SHPRH: variants seen among roughly 807,000 people sequenced by gnomAD.
SHPRH encodes the protein E3 ubiquitin-protein ligase SHPRH.
In SHPRH, 106 loss-of-function variants were observed where a neutral mutation model predicts 202.5. That is an observed-to-expected ratio of 0.52 (90% CI 0.45 to 0.62). The LOEUF is 0.62. Ranked by LOEUF, SHPRH falls within the 20% of genes least tolerant of loss-of-function variation. The probability of loss-of-function intolerance (pLI) is 0.00; values close to 1 mark genes in which losing one functional copy is unlikely to be tolerated. For missense variants in SHPRH, 1,710 were observed against 2,020.0 expected, an observed-to-expected ratio of 0.85 and a Z score of 2.94; for synonymous variants, 729 against 686.0, an observed-to-expected ratio of 1.06 and a Z score of -0.98.
At chr6:145,862,322 C>T (rs1295468876), downstream of SHPRH, among the ~76,000 whole-genome samples, 2 of 151,736 alleles carry the variant, frequency 1.3e-5, no homozygotes, top group South Asian at 2.1e-4. Context: ...GGCGCGGTGG[C>T]GGGTGCCTGT....
chr6:145,941,994 G>C, intron 9 of SHPRH, 120 bp from the exon 10 acceptor site: 5 of 1,192,592 alleles, frequency 4.2e-6, no homozygotes, highest in Non-Finnish European at 5.8e-6. Flanking sequence ...CATGCTATGA[G>C]ACAGATCCCA....
chr6:145,941,189 T>C (rs1240492400), intron 10 of SHPRH, among the ~76,000 whole-genome samples: 3 of 152,150 alleles, frequency 2.0e-5, no homozygotes, highest in African/African-American at 7.2e-5. Context: ...ACATATGACA[T>C]TCAAAGGCTG....
intron 28 of SHPRH, among the ~76,000 whole-genome samples, chr6:145,889,281 A>G (rs932318284): frequency 2.6e-5 from 4 of 152,178 alleles, no homozygotes; most frequent in South Asian, 2.1e-4. Context: ...TAGAAATGTT[A>G]TAAGTCTCAC....
At chr6:145,909,869 T>A (rs1252977270) in intron 25 of SHPRH, 2 of 152,092 alleles carry the variant, frequency 1.3e-5, no homozygotes, top group African/African-American at 4.8e-5. Flanking sequence ...CAATTACAGA[T>A]CCAGTCTGGA....
exon 3 of SHPRH, chr6:145,864,293 C>A: frequency 5.9e-6 from 2 of 339,632 alleles, no homozygotes; most frequent in South Asian, 5.4e-5. Context: ...ACTGAATAAG[C>A]CCCATAATTT....
Position 145,945,466 on chromosome 6 carries a change from T to C in SHPRH, c.1493A>G (p.Gln498Arg). 1 of 1,613,288 alleles carries C rather than the reference T, an allele frequency of 6.2e-7. No individual in the cohort carries two copies. Among genetic ancestry groups the C allele is most frequent in the Non-Finnish European group, 8.5e-7 (1 of 1,179,550 alleles). The change falls in exon 8 of 30, where the codon CAG (glutamine) becomes CGG (arginine). Residue 498 changes from glutamine (Q) to arginine (R), a missense_variant. This residue lies in a region of SHPRH where 348 missense variants were observed against 356.9 expected (regional missense o/e 0.97). Transcript: ENST00000275233. Reference sequence around the variant, plus strand: ...CCCAGAAAAACCATGGCCTTTGATCTGTTTCACGAGACCTTCAAAAATTAA... The same window carrying C: ...CCCAGAAAAACCATGGCCTTTGATCCGTTTCACGAGACCTTCAAAAATTAA... ...KCLIFEGLVK[Q>R]IKGHGFSGTF... is the part of the protein sequence containing the mutation.
chr6:145,937,415 T>C (rs980445283), intron 11 of SHPRH, among the ~76,000 whole-genome samples: 3 of 152,198 alleles, frequency 2.0e-5, no homozygotes, highest in African/African-American at 7.2e-5. Flanking sequence ...CTGTTATCTT[T>C]AGGACAAACC....
At chr6:145,911,434 T>C (rs1783483522) in intron 24 of SHPRH, among the ~76,000 whole-genome samples, 1 of 152,062 alleles carries the variant, frequency 6.6e-6, no homozygotes, top group South Asian at 2.1e-4. Flanking sequence ...AAAAGAAATG[T>C]TTAAGAAACC....
chr6:145,879,658 C>T (rs543869971), intron 2 of SHPRH, among the ~76,000 whole-genome samples: 106 of 152,142 alleles, frequency 7.0e-4, no homozygotes, highest in African/African-American at 2.5e-3. Context: ...TGCCTGTAAT[C>T]CCAGCACTTT....
chr6:145,945,865 A>G (rs1787317655), intron 7 of SHPRH, among the ~76,000 whole-genome samples: 1 of 152,136 alleles, frequency 6.6e-6, no homozygotes, highest in Non-Finnish European at 1.5e-5. Flanking sequence ...CTCATATTGA[A>G]TTGTTAATAC....
At chr6:145,896,555 C>T (rs1385176000) in intron 25 of SHPRH, among the ~76,000 whole-genome samples, 3 of 152,040 alleles carry the variant, frequency 2.0e-5, no homozygotes, top group African/African-American at 7.2e-5. Context: ...CAAAGACTGG[C>T]CAGTTCAGTG....
chr6:145,868,097 C>T (rs1779885795), intron 2 of SHPRH, among the ~76,000 whole-genome samples: 3 of 152,130 alleles, frequency 2.0e-5, no homozygotes, highest in Admixed American at 1.3e-4. Flanking sequence ...CTTCTGAGGC[C>T]TCTTTCCTTA....
chr6:145,963,530 A>G (rs1789323175), intron 1 of SHPRH, among the ~76,000 whole-genome samples: 1 of 152,234 alleles, frequency 6.6e-6, no homozygotes, highest in Admixed American at 6.5e-5. Context: ...AAACATAGCA[A>G]CTACCAGTCA....
chr6:145,919,086 C>A (rs964469377), intron 22 of SHPRH: 8 of 340,182 alleles, frequency 2.4e-5, no homozygotes, highest in Non-Finnish European at 4.3e-5. Flanking sequence ...AGGTTTTAAA[C>A]TCAAAAACAG....
chr6:145,859,884 G>A (rs543217640), downstream of SHPRH, among the ~76,000 whole-genome samples: 17 of 152,064 alleles, frequency 1.1e-4, no homozygotes, highest in African/African-American at 3.6e-4. Flanking sequence ...GCAAATGTGA[G>A]TATGTTTTAC....
intron 1 of SHPRH, among the ~76,000 whole-genome samples, chr6:145,957,958 C>T (rs1053750992): frequency 4.6e-5 from 7 of 152,174 alleles, no homozygotes; most frequent in Admixed American, 1.3e-4. Context: ...CAAATTGTGG[C>T]ATAGTCACAC....
chr6:145,950,626 A>G (rs945171435), intron 3 of SHPRH, 144 bp from the exon 4 acceptor site: 1 of 652,052 alleles, frequency 1.5e-6, no homozygotes, highest in East Asian at 2.7e-5. Flanking sequence ...CCTATCTTTA[A>G]TTCTTCATTA....
rs1340670475 is a variant in SHPRH at position 145,926,313 on chromosome 6, G to A, written c.3202-17C>T. ...ATGAAGTCTCTACAAACATATCAAA[G>A]GCAGTAATTATGACAGTCAATGCAG... On this transcript the variant is annotated splice_polypyrimidine_tract_variant and intron_variant, in intron 15 of 29. Transcript: ENST00000275233. 6.2e-6 allele frequency: 10 copies of A among 1,607,576 alleles called. No homozygotes were observed. The highest frequency in any genetic ancestry group is 7.7e-6 in the Non-Finnish European group (9 of 1,175,016).
At position 145,933,040 on chromosome 6, in the gene SHPRH, A is replaced by G. The variant is rs1306194856; in HGVS notation, c.3112+17T>C. On this transcript the variant is annotated intron_variant, in intron 14 of 29. Transcript: ENST00000275233. ...GAAGTGTTTGAAAGAATCAGAGATA[A>G]AGCAATCACCTTCTACCTTTAATAA... 1.1e-5 allele frequency: 17 copies of G among 1,610,440 alleles called. No homozygotes were observed. Among genetic ancestry groups the G allele is most frequent in the Non-Finnish European group, 1.4e-5 (16 of 1,177,422 alleles).
Sources: gnomAD v4.1 joint callset for allele counts (sites outside exome capture counted in the v4.1 genomes callset) on GRCh38, gnomAD v4.1.1 for gene constraint, gnomAD v4.1.1 regional missense constraint, MANE v1.5 for transcripts, NCBI Gene and HGNC (gene_info 2026-07-23, HGNC 2026-07-21) for gene names.